The following UBR3 variants were observed in gnomAD, a reference collection of about 807,000 sequenced individuals.
The protein encoded by UBR3 is E3 ubiquitin-protein ligase UBR3.
A neutral mutation model predicts 243.2 loss-of-function variants in UBR3; 85 were observed. The observed-to-expected ratio is 0.35, with a 90% CI of 0.29 to 0.42. UBR3 has a LOEUF of 0.42. Among genes scored for constraint, UBR3 ranks in the 10% least tolerant of loss-of-function variants. The pLI is 1.00. For missense variants in UBR3, 1,686 were observed against 2,300.8 expected (o/e 0.73, Z 5.47); for synonymous variants, 748 against 799.8 (o/e 0.94, Z 1.09).
chr2:170,030,992 A>C lies in UBR3; in HGVS notation c.4556+1544A>C, dbSNP rs372453451. Among the ~76,000 whole-genome samples, 36 of 152,248 alleles carry C rather than the reference A, an allele frequency of 2.4e-4. No individual in the cohort carries two copies. In the South Asian group the frequency reaches 7.5e-3, roughly 32 times the overall value. On this transcript the variant is annotated intron_variant, in intron 31 of 38. Transcript: ENST00000272793. ...TTATTTTTCGGGGAGATGGGATCTC[A>C]CTTTGCTGCCCAGGCTGGTCTCAAA...
rs145652837 is a variant in UBR3, at chr2:170,014,007, C to T, written c.4368-1274C>T. 28 of 457,958 alleles carry T rather than the reference C, an allele frequency of 6.1e-5. No individual in the cohort carries two copies. In the East Asian group the frequency reaches 1.8e-3, roughly 29 times the overall value. The allele number at this position is 457,958 out of a possible 1,614,324, so 28.4% of individuals were successfully genotyped here. A position where few individuals can be genotyped will look rare whatever the true frequency, so the allele number is the denominator to read the frequency against. On this transcript the variant is annotated intron_variant, in intron 29 of 38. Coordinates refer to ENST00000272793, the MANE Select transcript of UBR3 (RefSeq NM_172070.4). The stretch of plus-strand genomic sequence containing the variant: ...TAGAAGTTCAGTGAGCAATGCAAAT[C>T]GCCTGAAGGGTGGAAAATTCCCTTG...
intron 24 of UBR3, among the ~76,000 whole-genome samples, chr2:169,974,944 G>A (rs375328972): frequency 1.3e-5 from 2 of 152,186 alleles, no homozygotes; most frequent in African/African-American, 4.8e-5. Flanking sequence ...CACTTTGGGA[G>A]TCCAAGCGGG....
intron 5 of UBR3, among the ~76,000 whole-genome samples, chr2:169,890,918 T>TA (rs2105324530): frequency 6.6e-6 from 1 of 150,640 alleles, no homozygotes; most frequent in Admixed American, 6.6e-5. Context: ...TTGGGGTACT[T>TA]AAGAGTCTTC....
At chr2:169,875,230 G>A (rs1031170251) in intron 2 of UBR3, among the ~76,000 whole-genome samples, 1 of 152,204 alleles carries the variant, frequency 6.6e-6, no homozygotes, top group African/African-American at 2.4e-5. Flanking sequence ...ATTCTAGGAT[G>A]TGATCTAAAC....
In UBR3 at chr2:170,082,099, A is replaced by T. The variant is rs1399405686; in HGVS notation, c.*256A>T. On this transcript the variant is annotated 3_prime_UTR_variant, in exon 39 of 39. Coordinates refer to ENST00000272793, the MANE Select transcript of UBR3 (RefSeq NM_172070.4). ...ATTTTTTAAGTGCACAATTAATAAG[A>T]AGCACAACTTGTTCACAAACTCATT... is the stretch of plus-strand genomic sequence containing the variant. 3.4e-6 allele frequency: 1 copy of T among 293,438 alleles called. No individual in the cohort carries two copies. The highest frequency in any genetic ancestry group is 6.2e-6 in the Non-Finnish European group (1 of 160,396). 18.2% of individuals were successfully genotyped at this position (293,438 alleles called of 1,614,324 possible).
At chr2:169,946,528 TG>T in intron 21 of UBR3, 136 bp downstream of exon 21, 1 of 407,594 alleles carries the variant, frequency 2.5e-6, no homozygotes. Context: ...GAATTCATCT[TG>T]AGGTGTATTT....
intron 24 of UBR3, among the ~76,000 whole-genome samples, chr2:169,966,993 CAT>C (rs1292250283): frequency 6.6e-6 from 1 of 151,906 alleles, no homozygotes. Flanking sequence ...GAGGATGAAA[CAT>C]ATTTTTGTAT....
At chr2:169,921,163 G>A (rs921635153) in intron 11 of UBR3, among the ~76,000 whole-genome samples, 12 of 152,186 alleles carry the variant, frequency 7.9e-5, no homozygotes, top group Non-Finnish European at 1.3e-4. Flanking sequence ...GAAATATTGA[G>A]GAGGATTGAG....
chr2:169,924,949 G>T (rs945998005), intron 13 of UBR3, among the ~76,000 whole-genome samples: 7 of 152,136 alleles, frequency 4.6e-5, no homozygotes, highest in African/African-American at 1.7e-4. Flanking sequence ...AAGAAGAATT[G>T]CTTGAACCTG....
In UBR3 at chr2:169,853,186, T is replaced by A. The variant is rs1216689424; in HGVS notation, c.546-19050T>A. On this transcript the variant is annotated intron_variant, in intron 1 of 38. Transcript: ENST00000272793. ...TTGAGAAAATGGTGCTGTCCTTAGCTGCAATACGGAACCCAGGATGGGAAC... is the reference window on the plus strand; with the variant it reads ...TTGAGAAAATGGTGCTGTCCTTAGCAGCAATACGGAACCCAGGATGGGAAC... 5.3e-5 allele frequency among the ~76,000 whole-genome samples: 8 copies of A among 152,120 alleles called. 1 individual carries two copies. The highest frequency in any genetic ancestry group is 3.9e-4 in the Admixed American group (6 of 15,262).
chr2:170,032,784 C>A (rs556160815), intron 31 of UBR3, among the ~76,000 whole-genome samples: 6 of 151,794 alleles, frequency 4.0e-5, no homozygotes, highest in African/African-American at 1.2e-4. Context: ...TACTGATGAT[C>A]ATAACTCTGA....
chr2:169,900,461 T>A (rs1313827228), intron 8 of UBR3, among the ~76,000 whole-genome samples: 1 of 152,226 alleles, frequency 6.6e-6, no homozygotes, highest in African/African-American at 2.4e-5. Flanking sequence ...ACTCTGGTAA[T>A]AGTTTCTTTT....
intron 31 of UBR3, among the ~76,000 whole-genome samples, chr2:170,032,259 T>C (rs941079518): frequency 7.5e-6 from 1 of 132,610 alleles, no homozygotes; most frequent in South Asian, 2.8e-4. Context: ...TTGTATGTGC[T>C]TGTTAAAAAC....
At chr2:169,919,377 A>G (rs2085598275) in intron 11 of UBR3, among the ~76,000 whole-genome samples, 1 of 152,216 alleles carries the variant, frequency 6.6e-6, no homozygotes, top group African/African-American at 2.4e-5. Flanking sequence ...GGAAAAAATA[A>G]TTTAAAGCAG....
At chr2:169,839,682 T>C (rs1406380231) in intron 1 of UBR3, among the ~76,000 whole-genome samples, 2 of 151,974 alleles carry the variant, frequency 1.3e-5, no homozygotes, top group African/African-American at 4.8e-5. Context: ...CACACACACA[T>C]ATAGTGCAAT....
At chr2:169,847,106 TGTGTGTGTGTGTGTGTGTGC>T (rs200744753) in intron 1 of UBR3, among the ~76,000 whole-genome samples, 26,443 of 101,440 alleles carry the variant, frequency 0.26, 2,501 homozygotes, top group South Asian at 0.49. Context: ...TGTGTGTGTG[TGTGTGTGTGTGTGTGTGTGC>T]GCTGGCAGTT....
chr2:170,026,506 A>G (rs894545163), intron 30 of UBR3, among the ~76,000 whole-genome samples: 1 of 152,110 alleles, frequency 6.6e-6, no homozygotes, highest in African/African-American at 2.4e-5. Context: ...GGACTGTAAA[A>G]CTAAGGTTAG....
chr2:170,006,980 C>G lies in UBR3; in HGVS notation c.4030-10C>G. The G allele has an allele frequency of 6.2e-7, 1 of 1,608,272 alleles. No homozygotes were observed. The highest frequency in any genetic ancestry group is 8.5e-7 in the Non-Finnish European group (1 of 1,177,910). On this transcript the variant is annotated splice_polypyrimidine_tract_variant and intron_variant, in intron 27 of 38. Transcript: ENST00000272793. The stretch of plus-strand genomic sequence containing the variant: ...ATATCACGCATCTGTATGTTTATTT[C>G]GTCTTTTAGAATGACCAGGTTCTTC...
At chr2:169,955,119 C>G (rs996878567) in intron 23 of UBR3, among the ~76,000 whole-genome samples, 1 of 152,100 alleles carries the variant, frequency 6.6e-6, no homozygotes, top group Non-Finnish European at 1.5e-5. Context: ...GTTTTCTTTT[C>G]ATTGTATCCC....
Sources: gnomAD v4.1 joint callset for allele counts (sites outside exome capture counted in the v4.1 genomes callset) on GRCh38, gnomAD v4.1.1 for gene constraint, MANE v1.5 for transcripts, NCBI Gene and HGNC (gene_info 2026-07-23, HGNC 2026-07-21) for gene names.